BAG6: variants seen among roughly 807,000 people sequenced by gnomAD.
The protein encoded by BAG6 is large proline-rich protein BAG6.
Under a neutral mutation model 121.0 loss-of-function variants are expected in BAG6, and 22 were observed. The ratio of observed to expected loss-of-function variants is 0.18; its 90% CI spans 0.13 to 0.26. The LOEUF (loss-of-function observed/expected upper bound fraction) is 0.26, where lower values mean the gene tolerates loss of function less well. BAG6 is among the 10% of genes least tolerant of loss of function. The pLI, the probability that BAG6 is intolerant of heterozygous loss-of-function variation, is 1.00. For missense variants in BAG6, 1,233 were observed against 1,537.7 expected, an observed-to-expected ratio of 0.80 and a Z score of 3.31; for synonymous variants, 583 against 584.6, an observed-to-expected ratio of 1.00 and a Z score of 0.04.
rs1441714872 is a variant in BAG6 at position 31,639,442 on chromosome 6, A to C, written c.3393+58T>G. The C allele has an allele frequency of 3.2e-6, 5 of 1,571,226 alleles. No individual in the cohort carries two copies. In the East Asian group the frequency reaches 1.1e-4, roughly 35 times the overall value. ...TCATCGCTGAAGGGATCCAGGGAAG[A>C]GGGACCCTAGCCCAACCCCTCCCAC... On this transcript the variant is annotated intron_variant, in intron 25 of 25. Transcript: ENST00000676615.
intron 2 of BAG6, among the ~76,000 whole-genome samples, chr6:31,650,388 A>C (rs1795061243): frequency 1.3e-5 from 2 of 151,590 alleles, no homozygotes; most frequent in Admixed American, 1.3e-4. Context: ...AGGTCCCAGC[A>C]CAGTGGCTCA....
At chr6:31,639,946 A>G (rs1780907245) in intron 24 of BAG6, among the ~76,000 whole-genome samples, 1 of 152,220 alleles carries the variant, frequency 6.6e-6, no homozygotes, top group Admixed American at 6.5e-5. Flanking sequence ...CTTAAAGGAA[A>G]ATGGGATCTA....
Position 31,644,132 on chromosome 6 carries a change from G to A in BAG6, c.1618C>T (p.Pro540Ser), listed in dbSNP as rs1786078856. The change falls in exon 13 of 26, where the codon CCA becomes TCA. Residue 540 changes from proline (P) to serine (S), a missense_variant. This residue lies in a region of BAG6 where 777 missense variants were observed against 861.4 expected (regional missense o/e 0.90). Transcript: ENST00000676615. The surrounding 1 kb of genome is among the most constrained non-coding windows in gnomAD (Gnocchi z 4.9). ...TRVVIARPTPPQARPSHPGGP... is the reference protein window; with the variant it reads ...TRVVIARPTPSQARPSHPGGP... ...CCAGGATGGGAAGGCCGAGCCTGTGGAGGAGTGGGCCGGGCAATCACCACC... is the reference window on the plus strand; with the variant it reads ...CCAGGATGGGAAGGCCGAGCCTGTGAAGGAGTGGGCCGGGCAATCACCACC... 2 of 1,613,976 alleles carry A rather than the reference G, an allele frequency of 1.2e-6. No individual in the cohort carries two copies. The highest frequency in any genetic ancestry group is 2.2e-5 in the East Asian group (1 of 44,880).
Position 31,641,550 on chromosome 6 carries a change from G to T in BAG6, c.2548C>A (p.Arg850=), listed in dbSNP as rs563820261. Residue 850 remains arginine, a synonymous_variant, in exon 18 of 26, where the codon CGG becomes AGG. Coordinates refer to ENST00000676615, the MANE Select transcript of BAG6 (RefSeq NM_001387994.1). This position sits in a 1 kb window ranked among gnomAD's most constrained non-coding sequence, Gnocchi z 5.7. ...GAAGGGTTACTCACAAAACTCTCCC[G>T]CACATACTCTTCTAGCCCCGTGATC... ...TLITGLEEYV[R]ESFSLVQVQP... 1.2e-6 allele frequency: 2 copies of T among 1,614,104 alleles called. No homozygotes were observed. Among genetic ancestry groups the T allele is most frequent in the Non-Finnish European group, 1.7e-6 (2 of 1,179,974 alleles).
chr6:31,646,935 A>G (rs915788619), intron 7 of BAG6, among the ~76,000 whole-genome samples: 2 of 151,706 alleles, frequency 1.3e-5, no homozygotes, highest in Non-Finnish European at 2.9e-5. Context: ...CACCATGCCC[A>G]GCTAATTTTT....
In BAG6 at chr6:31,652,359, A is replaced by ACACACACACACC. The variant is rs752778693; in HGVS notation, c.-14+64_-14+65insGGTGTGTGTGTG. 33 of 137,200 alleles carry ACACACACACACC rather than the reference A, an allele frequency of 2.4e-4. 1 individual carries two copies. The highest frequency in any genetic ancestry group is 4.3e-4 in the Non-Finnish European group (28 of 64,750). The allele number at this position is 137,200 out of a possible 1,614,324, so 8.5% of individuals were successfully genotyped here. A position where few individuals can be genotyped will look rare whatever the true frequency, so the allele number is the denominator to read the frequency against. ...CACACACACACACACACACACACACACCCACCACCCCGCGGCTCCGCCCCC... is the reference window on the plus strand; with the variant it reads ...CACACACACACACACACACACACACACACACACACACCCCCACCACCCCGCGGCTCCGCCCCC... On this transcript the variant is annotated intron_variant, in intron 1 of 25. Coordinates refer to ENST00000676615, the MANE Select transcript of BAG6 (RefSeq NM_001387994.1).
Position 31,642,336 on chromosome 6 carries a change from G to A in BAG6, c.2111C>T (p.Thr704Ile). 1 of 1,377,370 alleles carries A rather than the reference G, an allele frequency of 7.3e-7. No homozygotes were observed. Among genetic ancestry groups the A allele is most frequent in the Non-Finnish European group, 9.6e-7 (1 of 1,039,288 alleles). 85.3% of individuals were successfully genotyped at this position (1,377,370 alleles called of 1,614,324 possible). A position where few individuals can be genotyped will look rare whatever the true frequency, so the allele number is the denominator to read the frequency against. Residue 704 changes from threonine to isoleucine, a missense_variant, in exon 16 of 26, where the codon ACC becomes ATC. By Grantham distance (89) the Thr-to-Ile change is moderately conservative. This residue lies in a region of BAG6 where 777 missense variants were observed against 861.4 expected (regional missense o/e 0.90). Coordinates refer to ENST00000676615, the MANE Select transcript of BAG6 (RefSeq NM_001387994.1). Reference protein sequence around the residue: ...PPPPPAPEQQTMPPPGSPSGG... With the variant: ...PPPPPAPEQQIMPPPGSPSGG... ...AGAAGGGGAGCCTGGTGGGGGCATG[G>A]TCTGCTGCTCTGGGGCAGGTGGTGG...
Position 31,639,609 on chromosome 6 carries a change from T to C in BAG6, c.3284A>G (p.Glu1095Gly). The C allele has an allele frequency of 1.2e-6, 2 of 1,613,628 alleles. No homozygotes were observed. The highest frequency in any genetic ancestry group is 1.7e-6 in the Non-Finnish European group (2 of 1,179,716). Reference sequence around the variant, plus strand: ...TGCCTTAGCTGCCCGGCTCACAGCCTCTGAGAGAAGCAGCTGGGGGCCCTC... The same window carrying C: ...TGCCTTAGCTGCCCGGCTCACAGCCCCTGAGAGAAGCAGCTGGGGGCCCTC... Reference protein sequence around the residue: ...QGEGPQLLLSEAVSRAAKAAG... With the variant: ...QGEGPQLLLSGAVSRAAKAAG... The change falls in exon 25 of 26, where the codon GAG becomes GGG. Residue 1095 changes from glutamate (E) to glycine (G), a missense_variant. Physicochemically the swap from Glu to Gly is moderately conservative, Grantham distance 98. This residue lies in a region of BAG6 where 102 missense variants were observed against 103.2 expected (regional missense o/e 0.99). Coordinates refer to ENST00000676615, the MANE Select transcript of BAG6 (RefSeq NM_001387994.1).
chr6:31,640,175 G>GAA lies in BAG6; in HGVS notation c.3246+23_3246+24insTT. ...ACGGGGAAACCTGGATAGAGAGAGA[G>GAA]GCTTAGGGAAGAGGAAAACCAACCT... On this transcript the variant is annotated intron_variant, in intron 24 of 25. Transcript: ENST00000676615. This position sits in a 1 kb window ranked among gnomAD's most constrained non-coding sequence, Gnocchi z 4.2. 1.2e-6 allele frequency: 2 copies of GAA among 1,606,208 alleles called. No individual in the cohort carries two copies. Among genetic ancestry groups the GAA allele is most frequent in the Non-Finnish European group, 1.7e-6 (2 of 1,173,358 alleles).
At position 31,640,793 on chromosome 6, in the gene BAG6, TG is replaced by T. The variant is rs778695310; in HGVS notation, c.2932del (p.Gln978SerfsTer85). On this transcript the variant is annotated frameshift_variant and splice_region_variant, in exon 21 of 26. Coordinates refer to ENST00000676615, the MANE Select transcript of BAG6 (RefSeq NM_001387994.1). LOFTEE classifies it high-confidence loss of function. This position sits in a 1 kb window ranked among gnomAD's most constrained non-coding sequence, Gnocchi z 4.2. The part of the protein sequence containing the change: ...RYVRRVGDPP[Q>X]PLPEEPMEVQ... ...CCCATCGCCCAACAGGTCCCTTACC[TG>T]GGGGGGATCACCAACCCTGCGAACG... 1 of 1,612,644 alleles carries T rather than the reference TG, an allele frequency of 6.2e-7. No individual in the cohort carries two copies.
rs1788144913 is a variant in BAG6, at chr6:31,645,538, T to C, written c.985A>G (p.Asn329Asp). Residue 329 changes from asparagine to aspartate, a missense_variant, in exon 9 of 26, where the codon AAC (asparagine) becomes GAC (aspartate). Asn to Asp is a conservative substitution (Grantham distance 23, BLOSUM62 1). Coordinates refer to ENST00000676615, the MANE Select transcript of BAG6 (RefSeq NM_001387994.1). ...LVGESLRLLG[N>D]TFVALSDLRC... ...AGGTCAGACAGTGCAACAAAGGTGT[T>C]GCCCAGCAGTCGCAGGCTCTCCCCT... The C allele has an allele frequency of 6.2e-7, 1 of 1,613,024 alleles. No homozygotes were observed. Among genetic ancestry groups the C allele is most frequent in the Non-Finnish European group, 8.5e-7 (1 of 1,180,056 alleles).
intron 8 of BAG6, 21 bp from the exon 9 acceptor site, chr6:31,645,625 A>G (rs764695637): frequency 1.2e-6 from 2 of 1,611,284 alleles, no homozygotes; most frequent in Non-Finnish European, 1.7e-6. Context: ...CCAGCCAAAC[A>G]CAAAAAGGCA....
intron 6 of BAG6, among the ~76,000 whole-genome samples, chr6:31,648,475 G>C: frequency 6.6e-6 from 1 of 152,150 alleles, no homozygotes; most frequent in East Asian, 1.9e-4. Flanking sequence ...AAACTCCCCA[G>C]ATACCAGGCA....
rs1786084780 is a variant in BAG6, at chr6:31,644,135, G to T, written c.1615C>A (p.Pro539Thr). 6.2e-6 allele frequency: 10 copies of T among 1,614,102 alleles called. No individual in the cohort carries two copies. The highest frequency in any genetic ancestry group is 8.5e-6 in the Non-Finnish European group (10 of 1,179,978). The change falls in exon 13 of 26, where the codon CCT (proline) becomes ACT (threonine). Residue 539 changes from proline (P) to threonine (T), a missense_variant. Transcript: ENST00000676615. The surrounding 1 kb of genome is among the most constrained non-coding windows in gnomAD (Gnocchi z 4.9). The part of the protein sequence containing the change: ...PTRVVIARPT[P>T]PQARPSHPGG... ...GGATGGGAAGGCCGAGCCTGTGGAG[G>T]AGTGGGCCGGGCAATCACCACCCGG...
rs960940386 is a variant in BAG6 at position 31,651,644 on chromosome 6, G to A, written c.108+12C>T. 1 of 1,609,452 alleles carries A rather than the reference G, an allele frequency of 6.2e-7. No individual in the cohort carries two copies. The highest frequency in any genetic ancestry group is 8.5e-7 in the Non-Finnish European group (1 of 1,176,670). On this transcript the variant is annotated intron_variant, in intron 2 of 25. Coordinates refer to ENST00000676615, the MANE Select transcript of BAG6 (RefSeq NM_001387994.1). ...GCTAAAGGTGTCTTCCAGAACTAGT[G>A]AGGTGTCTCACCTGGGCCCCCACAA...
In BAG6 at chr6:31,640,775, C is replaced by G; in HGVS notation, c.2934+17G>C. 1 of 1,612,822 alleles carries G rather than the reference C, an allele frequency of 6.2e-7. No individual in the cohort carries two copies. The highest frequency in any genetic ancestry group is 8.5e-7 in the Non-Finnish European group (1 of 1,180,022). ...TCTCTCAAGTACCCTGACCCCATCG[C>G]CCAACAGGTCCCTTACCTGGGGGGG... On this transcript the variant is annotated intron_variant, in intron 21 of 25. Transcript: ENST00000676615. The surrounding 1 kb of genome is among the most constrained non-coding windows in gnomAD (Gnocchi z 4.2).
chr6:31,649,625 C>G lies in BAG6; in HGVS notation c.111G>C (p.Met37Ile). 1 of 1,611,966 alleles carries G rather than the reference C, an allele frequency of 6.2e-7. No individual in the cohort carries two copies. The highest frequency in any genetic ancestry group is 8.5e-7 in the Non-Finnish European group (1 of 1,178,146). Residue 37 changes from methionine (M) to isoleucine (I), a missense_variant and splice_region_variant, in exon 3 of 26, where the codon ATG becomes ATC. Met to Ile is a conservative substitution (Grantham distance 10). Around this residue, in one of 7 missense-constraint regions of BAG6, gnomAD observed 28 missense variants for 24.5 expected, o/e 1.14. Coordinates refer to ENST00000676615, the MANE Select transcript of BAG6 (RefSeq NM_001387994.1). ...QTRTFIVGAQ[M>I]NVKEFKEHIA... ...TGTGCTCCTTAAACTCTTTTACATT[C>G]ATCTGAAAAGAAGAGGCATGCACAG...
At position 31,645,088 on chromosome 6, in the gene BAG6, C is replaced by T. The variant is rs765304823; in HGVS notation, c.1227G>A (p.Pro409=). 18 of 1,612,858 alleles carry T rather than the reference C, an allele frequency of 1.1e-5. No homozygotes were observed. Among genetic ancestry groups the T allele is most frequent in the African/African-American group, 5.3e-5 (4 of 74,916 alleles). ...PGPGQASSVA[P]SSTNVESSAE... ...CTGAGGACTCGACATTGGTAGAAGA[C>T]GGAGCCACGGATGAGGCCTGCCCAG... Residue 409 remains proline (P), a synonymous_variant, in exon 10 of 26, where the codon CCG becomes CCA. Transcript: ENST00000676615.
chr6:31,649,043 C>T, intron 4 of BAG6, 79 bp from the exon 5 acceptor site: 1 of 1,499,644 alleles, frequency 6.7e-7, no homozygotes, highest in Non-Finnish European at 9.0e-7. Flanking sequence ...TCCCTGGAGC[C>T]CTACCTCCTT....
Sources: allele counts gnomAD v4.1 joint callset (sites outside exome capture counted in the v4.1 genomes callset), GRCh38; gene constraint gnomAD v4.1.1; regional missense constraint gnomAD v4.1.1; non-coding constraint Gnocchi (gnomAD v3.1); transcripts MANE v1.5; gene names NCBI Gene and HGNC (gene_info 2026-07-23, HGNC 2026-07-21).